PLCB4: variants seen among roughly 807,000 people sequenced by gnomAD.
The protein encoded by PLCB4 is phospholipase C beta 4, also known as 1-phosphatidylinositol 4,5-bisphosphate phosphodiesterase beta-4.
In PLCB4, 77 loss-of-function variants were observed where a neutral mutation model predicts 178.8. The ratio of observed to expected loss-of-function variants is 0.43; its 90% CI spans 0.36 to 0.52. PLCB4 has a LOEUF of 0.52. PLCB4 is among the 20% of genes least tolerant of loss of function. The probability of loss-of-function intolerance (pLI) is 0.00; values close to 1 mark genes in which losing one functional copy is unlikely to be tolerated. For synonymous variants in PLCB4, 496 were observed against 490.8 expected (o/e 1.01, Z -0.14); for missense variants, 1,024 against 1,453.4 (o/e 0.70, Z 4.80).
intron 2 of PLCB4, among the ~76,000 whole-genome samples, chr20:9,115,216 T>G (rs1486223688): frequency 1.3e-5 from 2 of 152,130 alleles, no homozygotes; most frequent in African/African-American, 4.8e-5. Flanking sequence ...TCCATAAATC[T>G]TACGTTATTC....
At chr20:9,259,032 A>T in intron 3 of PLCB4, among the ~76,000 whole-genome samples, 1 of 152,222 alleles carries the variant, frequency 6.6e-6, no homozygotes, top group East Asian at 1.9e-4. Context: ...TATTTGGCAA[A>T]TCTTTTAAAG....
chr20:9,421,544 C>A (rs896508978), intron 27 of PLCB4, 83 bp downstream of exon 27: 8 of 1,060,832 alleles, frequency 7.5e-6, no homozygotes, highest in African/African-American at 3.1e-5. Flanking sequence ...GATACAGGGG[C>A]ACTTATTCAA....
chr20:9,315,803 C>T (rs6056529), intron 4 of PLCB4, among the ~76,000 whole-genome samples: 17,694 of 151,826 alleles, frequency 0.12, 1,107 homozygotes, highest in South Asian at 0.2. Context: ...CATGGTGGTG[C>T]GCGCCTGTAG....
chr20:9,383,232 A>G (rs947364244), intron 13 of PLCB4, among the ~76,000 whole-genome samples: 1 of 152,234 alleles, frequency 6.6e-6, no homozygotes, highest in African/African-American at 2.4e-5. Context: ...TCTATCTGGT[A>G]TGGAATGGAA....
rs536982113 is a variant in PLCB4, at chr20:9,408,158, A to C, written c.1789+100A>C. 7.0e-6 allele frequency: 7 copies of C among 993,954 alleles called. No individual in the cohort carries two copies. The African/African-American group carries it at 8.2e-5, about 12-fold the overall frequency. 61.6% of individuals were successfully genotyped at this position (993,954 alleles called of 1,614,324 possible). A position where few individuals can be genotyped will look rare whatever the true frequency, so the allele number is the denominator to read the frequency against. On this transcript the variant is annotated intron_variant, in intron 22 of 39. Transcript: ENST00000378473. ...TTTGTTGCCATTTTTCTTTGTGGGC[A>C]TGGGGGCTGTTCCACCTCACCTTAT... is the stretch of plus-strand genomic sequence containing the variant.
intron 3 of PLCB4, among the ~76,000 whole-genome samples, chr20:9,273,244 A>G (rs530081832): frequency 2.0e-5 from 3 of 152,274 alleles, no homozygotes; most frequent in Admixed American, 2.0e-4. Context: ...CTTGCCTAGT[A>G]TGTATCGAGC....
intron 2 of PLCB4, among the ~76,000 whole-genome samples, chr20:9,210,116 C>T (rs570503701): frequency 1.1e-4 from 17 of 152,120 alleles, no homozygotes; most frequent in Admixed American, 7.9e-4. Flanking sequence ...AACTAATACA[C>T]GAAGGAAACC....
At chr20:9,357,407 G>T (rs553462649) in intron 7 of PLCB4, among the ~76,000 whole-genome samples, 1 of 152,278 alleles carries the variant, frequency 6.6e-6, no homozygotes, top group East Asian at 1.9e-4. Flanking sequence ...AAAACCAAGA[G>T]TGGGTCTAGA....
At chr20:9,180,529 T>G (rs564369756) in intron 2 of PLCB4, among the ~76,000 whole-genome samples, 1 of 152,282 alleles carries the variant, frequency 6.6e-6, no homozygotes, top group Non-Finnish European at 1.5e-5. Context: ...CTAAACTCAG[T>G]TTAGCATGGC....
At chr20:9,467,586 C>T (rs912346276) in intron 35 of PLCB4, among the ~76,000 whole-genome samples, 1 of 152,182 alleles carries the variant, frequency 6.6e-6, no homozygotes, top group Non-Finnish European at 1.5e-5. Flanking sequence ...TGACATTTGT[C>T]AGCAACGTTT....
chr20:9,348,278 A>T (rs766412626), intron 7 of PLCB4, among the ~76,000 whole-genome samples: 4 of 152,192 alleles, frequency 2.6e-5, no homozygotes, highest in Non-Finnish European at 5.9e-5. Context: ...AATCAGTTAC[A>T]CAAGAAGGAA....
At chr20:9,119,700 G>A (rs1304598788) in intron 2 of PLCB4, among the ~76,000 whole-genome samples, 2 of 152,086 alleles carry the variant, frequency 1.3e-5, no homozygotes, top group African/African-American at 4.8e-5. Context: ...ATTTGTCAAG[G>A]TTAATGACTG....
intron 21 of PLCB4, among the ~76,000 whole-genome samples, chr20:9,407,058 T>G (rs988629264): frequency 1.2e-4 from 19 of 152,208 alleles, no homozygotes; most frequent in Admixed American, 1.2e-3. Context: ...ATTAAGTGCT[T>G]TTTAAATACT....
Position 9,185,957 on chromosome 20 carries a change from T to C in PLCB4, c.-78-31433T>C, listed in dbSNP as rs553356681. On this transcript the variant is annotated intron_variant, in intron 2 of 39. Coordinates refer to ENST00000378473, the MANE Select transcript of PLCB4 (RefSeq NM_001377142.1). ...TTTGCTTTTTCCACAGCACTTACCA[T>C]CCTTTAATATATGGTATAATTTATT... Among the ~76,000 whole-genome samples the C allele has an allele frequency of 6.6e-5, 10 of 152,348 alleles. No homozygotes were observed. The South Asian group carries it at 1.7e-3, about 25-fold the overall frequency.
At chr20:9,290,543 C>T (rs980049993) in intron 3 of PLCB4, among the ~76,000 whole-genome samples, 1 of 152,070 alleles carries the variant, frequency 6.6e-6, no homozygotes. Context: ...AAGCACCCAT[C>T]TTATGAAAGG....
At chr20:9,312,531 T>C (rs1403507254) in intron 4 of PLCB4, among the ~76,000 whole-genome samples, 1 of 152,076 alleles carries the variant, frequency 6.6e-6, no homozygotes, top group Non-Finnish European at 1.5e-5. Flanking sequence ...CTTTGGCCTC[T>C]TTCCAAGGTG....
At chr20:9,220,555 C>T (rs1047799563) in intron 3 of PLCB4, among the ~76,000 whole-genome samples, 3 of 152,150 alleles carry the variant, frequency 2.0e-5, no homozygotes, top group Non-Finnish European at 4.4e-5. Flanking sequence ...AGAATTGCTT[C>T]AACCCAGGAG....
At chr20:9,113,713 T>C (rs1163813463) in intron 2 of PLCB4, among the ~76,000 whole-genome samples, 3 of 152,196 alleles carry the variant, frequency 2.0e-5, no homozygotes, top group Admixed American at 2.0e-4. Context: ...ATGCCAAACA[T>C]AATTAAACTT....
chr20:9,469,043 G>A (rs2043998410), intron 36 of PLCB4, among the ~76,000 whole-genome samples: 1 of 151,648 alleles, frequency 6.6e-6, no homozygotes, highest in South Asian at 2.1e-4. Flanking sequence ...GAGTGCAGTG[G>A]CACAATCTCA....
Sources: gnomAD v4.1 joint callset for allele counts (sites outside exome capture counted in the v4.1 genomes callset) on GRCh38, gnomAD v4.1.1 for gene constraint, MANE v1.5 for transcripts, NCBI Gene and HGNC (gene_info 2026-07-23, HGNC 2026-07-21) for gene names.